Variants in UEVLD observed in about 807,000 individuals in gnomAD.
UEVLD encodes ubiquitin-conjugating enzyme E2 variant 3.
Under a neutral mutation model 58.6 loss-of-function variants are expected in UEVLD, and 47 were observed. The ratio of observed to expected loss-of-function variants is 0.80; its 90% CI spans 0.63 to 1.02. UEVLD has a LOEUF of 1.02. Among genes scored for constraint, UEVLD ranks in the 50% least tolerant of loss-of-function variants. The probability of loss-of-function intolerance (pLI) is 0.00; values close to 1 mark genes in which losing one functional copy is unlikely to be tolerated. For synonymous variants in UEVLD, 197 were observed against 195.3 expected (o/e 1.01, Z -0.07); for missense variants, 510 against 550.6 (o/e 0.93, Z 0.74).
Position 18,532,632 on chromosome 11 carries a change from A to G in UEVLD, c.1249-145T>C, listed in dbSNP as rs1457449394. The G allele has an allele frequency of 4.9e-6, 3 of 608,834 alleles. No individual in the cohort carries two copies. In the African/African-American group the frequency reaches 5.8e-5, roughly 12 times the overall value. 37.7% of individuals were successfully genotyped at this position (608,834 alleles called of 1,614,324 possible). A position where few individuals can be genotyped will look rare whatever the true frequency, so the allele number is the denominator to read the frequency against. On this transcript the variant is annotated intron_variant, in intron 11 of 11. Transcript: ENST00000396197. ...ATTTTTTTGTTCATTTACTTATTTT[A>G]TTTTTAGAAGTCCAGACCTCACAAT...
intron 7 of UEVLD, 144 bp from the exon 8 acceptor site, chr11:18,547,194 A>C: frequency 1.2e-6 from 1 of 809,972 alleles, no homozygotes; most frequent in South Asian, 1.9e-5. Context: ...CCACAAAAGC[A>C]TATAAAATGC....
At position 18,530,179 on chromosome 11, in the gene UEVLD, G is replaced by T. The variant is rs1850511666; in HGVS notation, c.*2141C>A. On this transcript the variant is annotated 3_prime_UTR_variant, in exon 12 of 12. Transcript: ENST00000396197. ...GAAAAGGCTAGTTTTAAAAACACAA[G>T]AAATAGTTCTTTCAGTTTTACTTTC... The T allele has an allele frequency of 6.6e-6, 1 of 152,114 alleles. No homozygotes were observed. The highest frequency in any genetic ancestry group is 6.6e-5 in the Admixed American group (1 of 15,266). 9.4% of individuals were successfully genotyped at this position (152,114 alleles called of 1,614,324 possible). A position where few individuals can be genotyped will look rare whatever the true frequency, so the allele number is the denominator to read the frequency against.
At chr11:18,575,880 C>A (rs770716746) in intron 2 of UEVLD, among the ~76,000 whole-genome samples, 1 of 152,218 alleles carries the variant, frequency 6.6e-6, no homozygotes, top group Admixed American at 6.5e-5. Context: ...CCTCTCACCT[C>A]GGTGTCAACA....
intron 9 of UEVLD, 38 bp downstream of exon 9, chr11:18,544,585 A>G (rs1250719839): frequency 1.9e-6 from 3 of 1,570,268 alleles, no homozygotes; most frequent in African/African-American, 2.8e-5. Flanking sequence ...AATTACAGGC[A>G]TGAGCCACCA....
intron 6 of UEVLD, among the ~76,000 whole-genome samples, chr11:18,560,161 TGCTACACTATGTATTA>T (rs974492081): frequency 1.3e-5 from 1 of 79,828 alleles, no homozygotes; most frequent in Non-Finnish European, 3.0e-5. Flanking sequence ...AAAATAACCC[TGCTACACTATGTATTA>T]GCTATGTAAC....
rs752024498 is a variant in UEVLD at position 18,569,848 on chromosome 11, A to C, written c.357+366T>G. On this transcript the variant is annotated intron_variant, in intron 4 of 11. Transcript: ENST00000396197. ...ATGATTCAACTTATATGAAAGTCAA[A>C]AACAGGCAAAACTACAAATAAATAT... 136 of 161,598 alleles carry C rather than the reference A, an allele frequency of 8.4e-4. 1 individual carries two copies. Among genetic ancestry groups the C allele is most frequent in the Admixed American group, 1.3e-3 (21 of 16,754 alleles). 10.0% of individuals were successfully genotyped at this position (161,598 alleles called of 1,614,324 possible).
intron 1 of UEVLD, among the ~76,000 whole-genome samples, chr11:18,584,780 A>AT (rs1372117704): frequency 6.6e-6 from 1 of 151,998 alleles, no homozygotes; most frequent in African/African-American, 2.4e-5. Context: ...CTACAGGCCC[A>AT]TTGCAGGATG....
rs536536319 is a variant in UEVLD at position 18,570,297 on chromosome 11, T to G, written c.274A>C (p.Thr92Pro). The change falls in exon 4 of 12, where the codon ACT becomes CCT. Residue 92 changes from threonine to proline, a missense_variant. Coordinates refer to ENST00000396197, the MANE Select transcript of UEVLD (RefSeq NM_001040697.4). ...CCGACTAAGATTCCCATATTTGCAG[T>G]TGGCTTCAAGAAGCAAATAGGGGGA... ...FAPPICFLKP[T>P]ANMGILVGKH... 19 of 1,597,816 alleles carry G rather than the reference T, an allele frequency of 1.2e-5. No individual in the cohort carries two copies. The highest frequency in any genetic ancestry group is 1.6e-5 in the Non-Finnish European group (19 of 1,175,618).
chr11:18,542,664 A>T (rs1851104922), intron 9 of UEVLD, among the ~76,000 whole-genome samples: 1 of 152,214 alleles, frequency 6.6e-6, no homozygotes, highest in Middle Eastern at 3.4e-3. Context: ...ATAAATTTTT[A>T]AAAGTTACCT....
At chr11:18,571,288 A>T (rs569002418) in intron 3 of UEVLD, among the ~76,000 whole-genome samples, 59 of 152,204 alleles carry the variant, frequency 3.9e-4, no homozygotes, top group Non-Finnish European at 6.2e-4. Flanking sequence ...CATAGGTTGC[A>T]GTGAGCCGAG....
intron 9 of UEVLD, among the ~76,000 whole-genome samples, chr11:18,541,932 A>G (rs924755875): frequency 2.6e-5 from 4 of 152,182 alleles, no homozygotes; most frequent in African/African-American, 9.7e-5. Flanking sequence ...CAATGCCTGC[A>G]TTCACTGGCT....
At chr11:18,538,992 T>C (rs1294970794) in intron 9 of UEVLD, 1 of 150,542 alleles carries the variant, frequency 6.6e-6, no homozygotes, top group Non-Finnish European at 1.5e-5. Flanking sequence ...ACCGTGCCAC[T>C]GTGCTCCAGC....
intron 5 of UEVLD, among the ~76,000 whole-genome samples, chr11:18,566,134 G>A (rs555369283): frequency 6.6e-6 from 1 of 152,102 alleles, no homozygotes; most frequent in Non-Finnish European, 1.5e-5. Flanking sequence ...CCTGACCTCA[G>A]GTGATCTGCC....
intron 7 of UEVLD, among the ~76,000 whole-genome samples, chr11:18,553,087 A>T (rs1238511844): frequency 6.7e-6 from 1 of 149,174 alleles, no homozygotes; most frequent in African/African-American, 2.5e-5. Context: ...CCCAGGAGAC[A>T]GAGGTTGCAG....
intron 7 of UEVLD, among the ~76,000 whole-genome samples, chr11:18,549,512 G>T (rs1191153744): frequency 6.6e-6 from 1 of 152,054 alleles, no homozygotes; most frequent in South Asian, 2.1e-4. Flanking sequence ...TCTGCCTCCC[G>T]GTTTCAAGTG....
At chr11:18,563,607 G>T in intron 6 of UEVLD, 2 of 875,782 alleles carry the variant, frequency 2.3e-6, no homozygotes, top group Non-Finnish European at 2.7e-6. Context: ...ATAAAATAAT[G>T]TATGACCAAA....
rs753337005 is a variant in UEVLD, at chr11:18,566,516, A to C, written c.358-34T>G. 55 of 1,605,028 alleles carry C rather than the reference A, an allele frequency of 3.4e-5. 1 individual carries two copies. In the South Asian group the frequency reaches 6.1e-4, roughly 18 times the overall value. ...TACACAAAAAACAGAAAAGTTACACAAAAATTTTGCTGAAGAATACTACCT... is the reference window on the plus strand; with the variant it reads ...TACACAAAAAACAGAAAAGTTACACCAAAATTTTGCTGAAGAATACTACCT... On this transcript the variant is annotated intron_variant, in intron 4 of 11. Coordinates refer to ENST00000396197, the MANE Select transcript of UEVLD (RefSeq NM_001040697.4).
intron 6 of UEVLD, among the ~76,000 whole-genome samples, chr11:18,559,791 A>G (rs1851925196): frequency 6.6e-6 from 1 of 152,176 alleles, no homozygotes; most frequent in African/African-American, 2.4e-5. Flanking sequence ...ATAGGGCGGC[A>G]CAGTGGGCTG....
intron 4 of UEVLD, among the ~76,000 whole-genome samples, chr11:18,569,028 G>A (rs1398761896): frequency 3.3e-5 from 5 of 151,898 alleles, no homozygotes; most frequent in East Asian, 1.9e-4. Flanking sequence ...CCAAGTAGCC[G>A]GGACTACAGG....
Sources: allele counts gnomAD v4.1 joint callset (sites outside exome capture counted in the v4.1 genomes callset), GRCh38; gene constraint gnomAD v4.1.1; transcripts MANE v1.5; gene names NCBI Gene and HGNC (gene_info 2026-07-23, HGNC 2026-07-21).